Variants in CACNA1I observed in about 807,000 individuals in gnomAD.
The protein encoded by CACNA1I is calcium voltage-gated channel subunit alpha1 I, also known as voltage-dependent T-type calcium channel subunit alpha-1I.
In CACNA1I, 74 loss-of-function variants were observed where a neutral mutation model predicts 201.6. That is an observed-to-expected ratio of 0.37 (90% CI 0.30 to 0.45). The LOEUF is 0.45. Among genes scored for constraint, CACNA1I ranks in the 20% least tolerant of loss-of-function variants. The probability of loss-of-function intolerance (pLI) is 1.00; values close to 1 mark genes in which losing one functional copy is unlikely to be tolerated. For synonymous variants in CACNA1I, 1,431 were observed against 1,345.2 expected, an observed-to-expected ratio of 1.06 and a Z score of -1.40; for missense variants, 2,346 against 3,138.1, an observed-to-expected ratio of 0.75 and a Z score of 6.03.
intron 4 of CACNA1I, among the ~76,000 whole-genome samples, chr22:39,632,803 C>T (rs1163164301): frequency 1.3e-5 from 2 of 151,804 alleles, no homozygotes; most frequent in Non-Finnish European, 2.9e-5. Flanking sequence ...TATGAGGGCA[C>T]CCATTCTATT....
intron 24 of CACNA1I, among the ~76,000 whole-genome samples, chr22:39,669,614 G>A (rs1935304511): frequency 6.6e-6 from 1 of 151,866 alleles, no homozygotes; most frequent in Non-Finnish European, 1.5e-5. Context: ...GTGGGTAGAT[G>A]GATGGGTGGA....
In CACNA1I at chr22:39,665,019, C is replaced by A; in HGVS notation, c.3851+96C>A. ...GCCCTCACTCCGCCCTCCCCGCCCGCCCACTCGGTCCTCCAATAGTGAGTG... is the reference window on the plus strand; with the variant it reads ...GCCCTCACTCCGCCCTCCCCGCCCGACCACTCGGTCCTCCAATAGTGAGTG... On this transcript the variant is annotated intron_variant, in intron 21 of 36. Coordinates refer to ENST00000402142, the MANE Select transcript of CACNA1I (RefSeq NM_021096.4). This position sits in a 1 kb window ranked among gnomAD's most constrained non-coding sequence, Gnocchi z 5.5. 1 of 1,140,148 alleles carries A rather than the reference C, an allele frequency of 8.8e-7. No homozygotes were observed. The highest frequency in any genetic ancestry group is 1.4e-5 in the South Asian group (1 of 69,168). 70.6% of individuals were successfully genotyped at this position (1,140,148 alleles called of 1,614,324 possible).
At chr22:39,618,067 G>A (rs991044832) in intron 3 of CACNA1I, among the ~76,000 whole-genome samples, 4 of 151,674 alleles carry the variant, frequency 2.6e-5, no homozygotes, top group African/African-American at 4.9e-5. Flanking sequence ...TTGTGTATGC[G>A]GGTGTGTGGT....
chr22:39,581,609 C>T (rs927005436), intron 1 of CACNA1I, among the ~76,000 whole-genome samples: 26 of 152,044 alleles, frequency 1.7e-4, no homozygotes, highest in African/African-American at 5.6e-4. Flanking sequence ...GCAAGCTGGC[C>T]GGCTGTTGAA....
chr22:39,672,109 T>C (rs1400570741), intron 26 of CACNA1I, 90 bp from the exon 27 acceptor site: 9 of 753,846 alleles, frequency 1.2e-5, no homozygotes, highest in Non-Finnish European at 2.1e-5. Flanking sequence ...GACTAAATTC[T>C]CTCCTTAAAA....
At position 39,682,545 on chromosome 22, in the gene CACNA1I, G is replaced by C. The variant is rs772721773; in HGVS notation, c.5714G>C (p.Cys1905Ser). ...ATGCGTGTGGGAGACCTGGGCGAAT[G>C]CTTCTTCCCCTTGTCCTCTACGGCC... is the stretch of plus-strand genomic sequence containing the variant. ...EPMRVGDLGE[C>S]FFPLSSTAVS... Residue 1905 changes from cysteine (C) to serine (S), a missense_variant, in exon 35 of 37, where the codon TGC (cysteine) becomes TCC (serine). Cys to Ser is a moderately radical substitution (Grantham distance 112, BLOSUM62 -1). This residue lies in a region of CACNA1I where 441 missense variants were observed against 555.6 expected (regional missense o/e 0.79). Transcript: ENST00000402142. 2 of 1,613,796 alleles carry C rather than the reference G, an allele frequency of 1.2e-6. No individual in the cohort carries two copies. Among genetic ancestry groups the C allele is most frequent in the Non-Finnish European group, 8.5e-7 (1 of 1,179,856 alleles).
chr22:39,622,943 C>G (rs1444238088), intron 4 of CACNA1I, among the ~76,000 whole-genome samples: 1 of 152,232 alleles, frequency 6.6e-6, no homozygotes. Flanking sequence ...ACGGAGCCCA[C>G]AGGCACCGCC....
chr22:39,681,836 C>A (rs1383554644), intron 34 of CACNA1I, among the ~76,000 whole-genome samples: 1 of 152,170 alleles, frequency 6.6e-6, no homozygotes, highest in African/African-American at 2.4e-5. Flanking sequence ...TCCTCCTGTC[C>A]CTTCCATGTC....
At chr22:39,655,190 G>A (rs1279092704) in intron 10 of CACNA1I, among the ~76,000 whole-genome samples, 7 of 152,108 alleles carry the variant, frequency 4.6e-5, no homozygotes, top group Non-Finnish European at 8.8e-5. Flanking sequence ...CAGCACACCC[G>A]GCCCATGGGA....
intron 20 of CACNA1I, 113 bp from the exon 21 acceptor site, chr22:39,664,626 C>CACCCCCCA: frequency 2.2e-6 from 1 of 457,528 alleles, no homozygotes; most frequent in Non-Finnish European, 4.0e-6. Context: ...ACCCCGCCCC[C>CACCCCCCA]TCCCCGAAGC....
At chr22:39,635,606 C>A (rs1156340886) in intron 5 of CACNA1I, among the ~76,000 whole-genome samples, 3 of 152,160 alleles carry the variant, frequency 2.0e-5, no homozygotes, top group Non-Finnish European at 4.4e-5. Flanking sequence ...CCTGGGTAGA[C>A]CACAGCAGGG....
chr22:39,681,190 G>C (rs987900886), intron 34 of CACNA1I, 138 bp downstream of exon 34: 9 of 989,250 alleles, frequency 9.1e-6, no homozygotes, highest in Non-Finnish European at 1.3e-5. Context: ...TCTCCTGTTG[G>C]ACAGATGAGG....
intron 5 of CACNA1I, among the ~76,000 whole-genome samples, chr22:39,640,407 C>T (rs374250597): frequency 5.3e-5 from 8 of 152,098 alleles, no homozygotes; most frequent in South Asian, 2.1e-4. Context: ...AAAAAAGAAA[C>T]GAAGTCTAGA....
At chr22:39,573,696 C>T (rs1932256268) in intron 1 of CACNA1I, among the ~76,000 whole-genome samples, 1 of 152,176 alleles carries the variant, frequency 6.6e-6, no homozygotes, top group South Asian at 2.1e-4. Flanking sequence ...ATATTTCTGG[C>T]CTGTTGGGCA....
chr22:39,674,285 T>G (rs1337241589), intron 29 of CACNA1I, among the ~76,000 whole-genome samples: 1 of 152,174 alleles, frequency 6.6e-6, no homozygotes, highest in South Asian at 2.1e-4. Context: ...GGGTCCACAT[T>G]GTGCCCTTGG....
chr22:39,652,330 G>C (rs1357130822), intron 10 of CACNA1I, among the ~76,000 whole-genome samples: 1 of 152,178 alleles, frequency 6.6e-6, no homozygotes, highest in Admixed American at 6.5e-5. Context: ...CAGGCTTCAC[G>C]TGGCTTCCTG....
chr22:39,573,412 C>G (rs761086005), intron 1 of CACNA1I, among the ~76,000 whole-genome samples: 1 of 152,092 alleles, frequency 6.6e-6, no homozygotes, highest in Non-Finnish European at 1.5e-5. Flanking sequence ...CTGATGGGCT[C>G]TGGCTGGGCT....
In CACNA1I at chr22:39,648,007, C is replaced by A; in HGVS notation, c.1567+81C>A. ...CAGTTGGTGCTGAGAAGGAAGTCGG[C>A]AGGCATGGGGACGGCGCTTGAGCAG... is the stretch of plus-strand genomic sequence containing the variant. On this transcript the variant is annotated intron_variant, in intron 9 of 36. Transcript: ENST00000402142. This position sits in a 1 kb window ranked among gnomAD's most constrained non-coding sequence, Gnocchi z 5.4. 1 of 1,271,910 alleles carries A rather than the reference C, an allele frequency of 7.9e-7. No individual in the cohort carries two copies. Among genetic ancestry groups the A allele is most frequent in the Non-Finnish European group, 1.1e-6 (1 of 884,382 alleles). The allele number at this position is 1,271,910 out of a possible 1,614,324, so 78.8% of individuals were successfully genotyped here. A position where few individuals can be genotyped will look rare whatever the true frequency, so the allele number is the denominator to read the frequency against.
chr22:39,653,192 C>T (rs1438483595), intron 10 of CACNA1I, among the ~76,000 whole-genome samples: 1 of 152,182 alleles, frequency 6.6e-6, no homozygotes, highest in Admixed American at 6.5e-5. Flanking sequence ...TTAGTAGGTG[C>T]TCACTGATGA....
Sources: gnomAD v4.1 joint callset for allele counts (sites outside exome capture counted in the v4.1 genomes callset) on GRCh38, gnomAD v4.1.1 for gene constraint, gnomAD v4.1.1 regional missense constraint, Gnocchi (gnomAD v3.1) non-coding constraint, MANE v1.5 for transcripts, NCBI Gene and HGNC (gene_info 2026-07-23, HGNC 2026-07-21) for gene names.